Variants in TRMT10B observed in about 807,000 individuals in gnomAD.
TRMT10B encodes tRNA methyltransferase 10B, also known as tRNA methyltransferase 10 homolog B.
TRMT10B carries 33 observed loss-of-function variants against 43.8 expected under a neutral mutation model. That is an observed-to-expected ratio of 0.75 (90% CI 0.57 to 1.01). The LOEUF is 1.01. Among genes scored for constraint, TRMT10B ranks in the 50% least tolerant of loss-of-function variants. The pLI is 0.00. For synonymous variants in TRMT10B, 137 were observed against 130.6 expected (o/e 1.05, Z -0.34); for missense variants, 362 against 369.8 (o/e 0.98, Z 0.17).
intron 2 of TRMT10B, 37 bp downstream of exon 2, chr9:37,762,154 G>A: frequency 6.3e-7 from 1 of 1,579,148 alleles, no homozygotes; most frequent in South Asian, 1.1e-5. Flanking sequence ...GGCCTTGAAT[G>A]ATGGAATGTC....
At chr9:37,762,176 C>G in intron 2 of TRMT10B, 59 bp downstream of exon 2, 2 of 1,518,446 alleles carry the variant, frequency 1.3e-6, no homozygotes, top group Non-Finnish European at 1.8e-6. Flanking sequence ...CAAGACACCC[C>G]TGTTTTAAAG....
At chr9:37,767,809 A>ATT (rs1212381964) in intron 4 of TRMT10B, among the ~76,000 whole-genome samples, 2 of 152,210 alleles carry the variant, frequency 1.3e-5, no homozygotes, top group Non-Finnish European at 2.9e-5. Context: ...AAAAGCTAAA[A>ATT]TAAGAATTTC....
At chr9:37,771,208 TGTTA>T (rs1346252576) in intron 7 of TRMT10B, among the ~76,000 whole-genome samples, 4 of 145,646 alleles carry the variant, frequency 2.7e-5, no homozygotes. Flanking sequence ...TTGAAATGTT[TGTTA>T]TATAGCTGTT....
At chr9:37,755,031 G>A (rs942950683) in intron 1 of TRMT10B, among the ~76,000 whole-genome samples, 2 of 152,142 alleles carry the variant, frequency 1.3e-5, no homozygotes, top group South Asian at 4.1e-4. Context: ...AGCACTTTGG[G>A]AGGCCCAGAC....
At chr9:37,761,457 G>A (rs1041217250) in intron 1 of TRMT10B, among the ~76,000 whole-genome samples, 5 of 146,932 alleles carry the variant, frequency 3.4e-5, no homozygotes, top group Admixed American at 1.3e-4. Context: ...CCCGCACTTT[G>A]GGGGGCCGAG....
chr9:37,774,616 A>G (rs1262539969), intron 7 of TRMT10B, among the ~76,000 whole-genome samples: 2 of 152,274 alleles, frequency 1.3e-5, no homozygotes, highest in African/African-American at 4.8e-5. Flanking sequence ...CAAAGTGATT[A>G]TAAAGGAATA....
intron 3 of TRMT10B, 73 bp from the exon 4 acceptor site, chr9:37,763,556 G>A: frequency 7.3e-7 from 1 of 1,363,980 alleles, no homozygotes; most frequent in Non-Finnish European, 1.0e-6. Flanking sequence ...ATACCCACCT[G>A]GCTAAGATTT....
intron 4 of TRMT10B, chr9:37,763,954 A>C: frequency 2.9e-6 from 3 of 1,048,392 alleles, no homozygotes; most frequent in Non-Finnish European, 2.6e-6. Flanking sequence ...AGTTTGGTTT[A>C]GTTTGCAAAT....
rs751075338 is a variant in TRMT10B, at chr9:37,761,917, C to A, written c.-15C>A. 4 of 1,603,318 alleles carry A rather than the reference C, an allele frequency of 2.5e-6. No homozygotes were observed. The highest frequency in any genetic ancestry group is 3.4e-6 in the Non-Finnish European group (4 of 1,172,030). ...CCTTTTTCCAGTCTGGTGGAAAGGACAGAGGACTAAGTCCATGGACTGGAA... is the reference window on the plus strand; with the variant it reads ...CCTTTTTCCAGTCTGGTGGAAAGGAAAGAGGACTAAGTCCATGGACTGGAA... On this transcript the variant is annotated 5_prime_UTR_variant, in exon 2 of 9. Transcript: ENST00000297994.
chr9:37,777,648 G>A lies in TRMT10B; in HGVS notation c.892G>A (p.Ala298Thr), dbSNP rs1298619391. Residue 298 changes from alanine (A) to threonine (T), a missense_variant, in exon 9 of 9, where the codon GCA (alanine) becomes ACA (threonine). Transcript: ENST00000297994. ...TYLETHNWPE[A>T]LKKGVSSGKG... is the part of the protein sequence containing the mutation. ...CTTAGAGACTCACAACTGGCCTGAAGCATTGAAGAAAGGAGTTTCTTCAGG... is the reference window on the plus strand; with the variant it reads ...CTTAGAGACTCACAACTGGCCTGAAACATTGAAGAAAGGAGTTTCTTCAGG... 6.2e-7 allele frequency: 1 copy of A among 1,613,884 alleles called. No individual in the cohort carries two copies. Among genetic ancestry groups the A allele is most frequent in the Non-Finnish European group, 8.5e-7 (1 of 1,180,012 alleles).
intron 6 of TRMT10B, 64 bp from the exon 7 acceptor site, chr9:37,770,608 G>C: frequency 7.2e-7 from 1 of 1,388,874 alleles, no homozygotes. Context: ...CTTTCATTTT[G>C]CTTTCTCTGG....
In TRMT10B at chr9:37,763,161, A is replaced by AAAAC. The variant is rs1554676681; in HGVS notation, c.296-465_296-464insCAAA. 4.3e-5 allele frequency among the ~76,000 whole-genome samples: 6 copies of AAAAC among 139,470 alleles called. No homozygotes were observed. In the East Asian group the frequency reaches 6.0e-4, roughly 14 times the overall value. The allele number at this position is 139,470 out of a possible 152,430, so 91.5% of individuals were successfully genotyped here. On this transcript the variant is annotated intron_variant, in intron 3 of 8. Transcript: ENST00000297994. ...TCTGTCTCAAAAAAAAAAAAAAAAAAAAAACAAAAAAAAAAATTTAAGGCT... is the reference window on the plus strand; with the variant it reads ...TCTGTCTCAAAAAAAAAAAAAAAAAAAAACAAAACAAAAAAAAAAATTTAAGGCT...
intron 8 of TRMT10B, among the ~76,000 whole-genome samples, chr9:37,777,270 T>G (rs1828273572): frequency 7.7e-6 from 1 of 129,658 alleles, no homozygotes; most frequent in Non-Finnish European, 1.6e-5. Flanking sequence ...TTTTAACCTC[T>G]CACCACTGAA....
At chr9:37,763,483 C>T in intron 3 of TRMT10B, 146 bp from the exon 4 acceptor site, 3 of 662,802 alleles carry the variant, frequency 4.5e-6, no homozygotes, top group Non-Finnish European at 7.6e-6. Flanking sequence ...CCTCACCACT[C>T]TGTGTAAATC....
At chr9:37,763,571 C>T (rs556830746) in intron 3 of TRMT10B, 58 bp from the exon 4 acceptor site, 9 of 1,500,040 alleles carry the variant, frequency 6.0e-6, no homozygotes, top group Non-Finnish European at 7.4e-6. Context: ...AGATTTGTTT[C>T]TTATATAATA....
intron 5 of TRMT10B, 44 bp from the exon 6 acceptor site, chr9:37,769,897 C>A: frequency 1.3e-6 from 2 of 1,538,998 alleles, no homozygotes; most frequent in Non-Finnish European, 1.8e-6. Context: ...GCCACCCCAC[C>A]CAGCCGTGAG....
intron 4 of TRMT10B, among the ~76,000 whole-genome samples, chr9:37,766,583 A>G (rs919349674): frequency 1.3e-5 from 2 of 152,174 alleles, no homozygotes; most frequent in African/African-American, 4.8e-5. Flanking sequence ...GTTCCATATG[A>G]ACTTTAAAGT....
intron 4 of TRMT10B, among the ~76,000 whole-genome samples, chr9:37,764,890 G>GTA (rs1230730026): frequency 6.6e-6 from 1 of 152,092 alleles, no homozygotes; most frequent in African/African-American, 2.4e-5. Flanking sequence ...GGAAGATACT[G>GTA]TATACCATAC....
intron 4 of TRMT10B, among the ~76,000 whole-genome samples, chr9:37,766,707 T>C (rs1002500039): frequency 2.0e-5 from 3 of 152,262 alleles, no homozygotes; most frequent in Admixed American, 6.5e-5. Flanking sequence ...TTCCTACCCA[T>C]GAGCATGGAA....
Sources: allele counts gnomAD v4.1 joint callset (sites outside exome capture counted in the v4.1 genomes callset), GRCh38; gene constraint gnomAD v4.1.1; transcripts MANE v1.5; gene names NCBI Gene and HGNC (gene_info 2026-07-23, HGNC 2026-07-21).